The following G3BP2 variants were observed in gnomAD, a reference collection of about 807,000 sequenced individuals.
G3BP2 encodes the protein ras GTPase-activating protein-binding protein 2.
In G3BP2, 11 loss-of-function variants were observed where a neutral mutation model predicts 56.7. That is an observed-to-expected ratio of 0.19 (90% CI 0.12 to 0.32). The LOEUF (loss-of-function observed/expected upper bound fraction) is 0.32. Among genes scored for constraint, G3BP2 ranks in the 10% least tolerant of loss-of-function variants. The pLI is 1.00. For missense variants in G3BP2, 340 were observed against 610.9 expected, an observed-to-expected ratio of 0.56 and a Z score of 4.67; for synonymous variants, 165 against 191.6, an observed-to-expected ratio of 0.86 and a Z score of 1.15.
At chr4:75,653,650 G>A (rs550390812) in intron 8 of G3BP2, among the ~76,000 whole-genome samples, 38 of 143,786 alleles carry the variant, frequency 2.6e-4, no homozygotes, top group African/African-American at 8.3e-4. Flanking sequence ...GTGCCTCTCC[G>A]AATTTCTTAC....
rs747142573 is a variant in G3BP2 at position 75,648,717 on chromosome 4, C to T, written c.850G>A (p.Val284Ile). 9 of 1,606,466 alleles carry T rather than the reference C, an allele frequency of 5.6e-6. No individual in the cohort carries two copies. Among genetic ancestry groups the T allele is most frequent in the Non-Finnish European group, 7.7e-6 (9 of 1,173,964 alleles). ...CGCACACGAGGTGGCTGAGATTGAA[C>T]TTCTGGTTTAGCTTCGACTCTTGGC... Reference protein sequence around the residue: ...SQPRVEAKPEVQSQPPRVREQ... With the variant: ...SQPRVEAKPEIQSQPPRVREQ... Residue 284 changes from valine to isoleucine, a missense_variant, in exon 9 of 12, where the codon GTT (valine) becomes ATT (isoleucine). Val to Ile is a conservative substitution (Grantham distance 29, BLOSUM62 3). Around this residue, in one of 4 missense-constraint regions of G3BP2, gnomAD observed 224 missense variants for 332.5 expected, o/e 0.67. Transcript: ENST00000359707.
intron 3 of G3BP2, among the ~76,000 whole-genome samples, chr4:75,698,569 TC>T (rs1286976472): frequency 6.6e-6 from 1 of 152,114 alleles, no homozygotes; most frequent in Non-Finnish European, 1.5e-5. Context: ...CAATTTACCC[TC>T]CTACTCTCCT....
chr4:75,683,835 C>T (rs561540417), intron 3 of G3BP2, among the ~76,000 whole-genome samples: 2 of 152,048 alleles, frequency 1.3e-5, no homozygotes, highest in African/African-American at 4.8e-5. Flanking sequence ...ATAGCCATGC[C>T]GTAAAATACC....
chr4:75,655,131 GTTC>G lies in G3BP2; in HGVS notation c.658_660del (p.Glu220del). 1 of 1,612,760 alleles carries G rather than the reference GTTC, an allele frequency of 6.2e-7. No individual in the cohort carries two copies. Among genetic ancestry groups the G allele is most frequent in the Middle Eastern group, 1.7e-4 (1 of 6,058 alleles). On this transcript the variant is annotated inframe_deletion, in exon 7 of 12. Coordinates refer to ENST00000359707, the MANE Select transcript of G3BP2 (RefSeq NM_203505.3). Reference sequence around the variant, plus strand: ...GGAGGAGTAGTAGATTTCTCCTCTAGTTCTTCTAAGTTCTTCTCCTCCACTTGT... The same window carrying G: ...GGAGGAGTAGTAGATTTCTCCTCTAGTTCTAAGTTCTTCTCCTCCACTTGT...
chr4:75,681,264 C>T (rs1439139120), intron 3 of G3BP2, among the ~76,000 whole-genome samples: 1 of 151,818 alleles, frequency 6.6e-6, no homozygotes, highest in Non-Finnish European at 1.5e-5. Context: ...GCAGAGGTTG[C>T]AGTGAGCCGA....
chr4:75,686,459 G>T (rs1413300797), intron 3 of G3BP2, among the ~76,000 whole-genome samples: 1 of 151,870 alleles, frequency 6.6e-6, no homozygotes, highest in African/African-American at 2.4e-5. Context: ...CACCTAAGCT[G>T]AGTCTTGAAG....
intron 3 of G3BP2, among the ~76,000 whole-genome samples, chr4:75,709,602 ACT>A (rs1719681481): frequency 6.6e-6 from 1 of 151,950 alleles, no homozygotes. Context: ...ACAGAGCAAG[ACT>A]CTATCTCAGA....
At chr4:75,721,422 C>T (rs1401177702) in intron 2 of G3BP2, among the ~76,000 whole-genome samples, 1 of 151,926 alleles carries the variant, frequency 6.6e-6, no homozygotes, top group African/African-American at 2.4e-5. Context: ...CCATGCTCAG[C>T]TAATATTTTA....
chr4:75,644,122 T>C lies in G3BP2; in HGVS notation c.*1308A>G, dbSNP rs1731053897. The C allele has an allele frequency of 6.6e-6, 1 of 152,636 alleles. No individual in the cohort carries two copies. Among genetic ancestry groups the C allele is most frequent in the African/African-American group, 2.4e-5 (1 of 41,440 alleles). 9.5% of individuals were successfully genotyped at this position (152,636 alleles called of 1,614,324 possible). A position where few individuals can be genotyped will look rare whatever the true frequency, so the allele number is the denominator to read the frequency against. On this transcript the variant is annotated 3_prime_UTR_variant, in exon 12 of 12. Transcript: ENST00000359707. The stretch of plus-strand genomic sequence containing the variant: ...GTTCTTTTCTCCGAAAATTGCAGTA[T>C]CCTCACTTCAGGCTTACTTGCCATT...
In G3BP2 at chr4:75,686,010, A is replaced by T. The variant is rs1057444796; in HGVS notation, c.-24-23961T>A. ...ATACACCACACATGTGCACACACAC[A>T]TACACACAGAGCAAAAGCAGGGAAT... On this transcript the variant is annotated intron_variant, in intron 3 of 3. Transcript: ENST00000499709. Among the ~76,000 whole-genome samples the T allele has an allele frequency of 2.6e-5, 4 of 152,368 alleles. No homozygotes were observed. In the South Asian group the frequency reaches 8.3e-4, roughly 32 times the overall value.
chr4:75,678,056 T>C (rs1733942115), upstream of G3BP2, among the ~76,000 whole-genome samples: 1 of 152,210 alleles, frequency 6.6e-6, no homozygotes, highest in African/African-American at 2.4e-5. Flanking sequence ...CTCACTAGGG[T>C]TGGCCCTTTG....
At chr4:75,693,610 G>A (rs1458171874) in intron 3 of G3BP2, among the ~76,000 whole-genome samples, 2 of 151,994 alleles carry the variant, frequency 1.3e-5, no homozygotes, top group Non-Finnish European at 2.9e-5. Flanking sequence ...CCAAGTTGGT[G>A]AAACCCCATC....
At chr4:75,667,870 C>T (rs1227307106) in intron 1 of G3BP2, among the ~76,000 whole-genome samples, 5 of 152,148 alleles carry the variant, frequency 3.3e-5, no homozygotes, top group East Asian at 1.9e-4. Context: ...GCCTGGGCAA[C>T]AAGAGCGAAA....
chr4:75,690,633 G>A (rs770011242), intron 3 of G3BP2, among the ~76,000 whole-genome samples: 4 of 151,926 alleles, frequency 2.6e-5, no homozygotes, highest in East Asian at 1.9e-4. Flanking sequence ...GTACAGTGGC[G>A]CCATCTCAGC....
intron 3 of G3BP2, among the ~76,000 whole-genome samples, chr4:75,705,304 G>A (rs1401480846): frequency 6.6e-6 from 1 of 152,208 alleles, no homozygotes; most frequent in African/African-American, 2.4e-5. Flanking sequence ...TGCGCCTACA[G>A]GCTACCTGGG....
chr4:75,672,022 C>T (rs1251394649), intron 1 of G3BP2, among the ~76,000 whole-genome samples: 1 of 152,206 alleles, frequency 6.6e-6, no homozygotes, highest in Non-Finnish European at 1.5e-5. Context: ...CAGGTACCTG[C>T]AACACTAACG....
chr4:75,646,198 C>T, intron 11 of G3BP2, 140 bp downstream of exon 11: 1 of 577,612 alleles, frequency 1.7e-6, no homozygotes. Flanking sequence ...ACTAACAAAT[C>T]TTTATTCTTT....
chr4:75,671,467 T>A (rs886536810), intron 1 of G3BP2, among the ~76,000 whole-genome samples: 3 of 152,230 alleles, frequency 2.0e-5, no homozygotes, highest in Non-Finnish European at 4.4e-5. Flanking sequence ...AGCTGCTAAC[T>A]GAACAGTTAA....
upstream of G3BP2, among the ~76,000 whole-genome samples, chr4:75,675,773 C>G (rs951665688): frequency 2.0e-5 from 3 of 152,100 alleles, no homozygotes; most frequent in Non-Finnish European, 2.9e-5. Context: ...GCCTGGGTGA[C>G]AACAGTGAAA....
Sources: allele counts gnomAD v4.1 joint callset (sites outside exome capture counted in the v4.1 genomes callset), GRCh38; gene constraint gnomAD v4.1.1; regional missense constraint gnomAD v4.1.1; transcripts MANE v1.5; gene names NCBI Gene and HGNC (gene_info 2026-07-23, HGNC 2026-07-21).